The following RABL2B variants were observed in gnomAD, a reference collection of about 807,000 sequenced individuals.
The protein encoded by RABL2B is rab-like protein 2B.
RABL2B carries 17 observed loss-of-function variants against 26.7 expected under a neutral mutation model. The observed-to-expected ratio is 0.64, with a 90% CI of 0.44 to 0.95. The LOEUF is 0.95. Ranked by LOEUF, RABL2B falls within the 40% of genes least tolerant of loss-of-function variation. The probability of loss-of-function intolerance (pLI) is 0.00; values close to 1 mark genes in which losing one functional copy is unlikely to be tolerated. For missense variants in RABL2B, 170 were observed against 277.2 expected, an observed-to-expected ratio of 0.61 and a Z score of 2.75; for synonymous variants, 70 against 103.9, an observed-to-expected ratio of 0.67 and a Z score of 1.99.
In RABL2B at chr22:50,776,368, A is replaced by G. The variant is rs190639024; in HGVS notation, c.217+302T>C. ...AGCTAGGAAAACTACTGCCTCGTCG[A>G]AGGCCTCTTACGTTCTTCTTCCCTG... On this transcript the variant is annotated intron_variant, in intron 4 of 8. Transcript: ENST00000691320. Among the ~76,000 whole-genome samples, 106 of 152,326 alleles carry G rather than the reference A, an allele frequency of 7.0e-4. 1 individual carries two copies. In the East Asian group the frequency reaches 0.019, roughly 27 times the overall value.
chr22:50,773,281 GT>G (rs2084455985), intron 5 of RABL2B, among the ~76,000 whole-genome samples: 1 of 152,302 alleles, frequency 6.6e-6, no homozygotes, highest in East Asian at 1.9e-4. Context: ...AGTTATCAGA[GT>G]TAAAGCTTTT....
rs2083654416 is a variant in RABL2B at position 50,768,188 on chromosome 22, C to T, written c.*588G>A. 2 of 196,918 alleles carry T rather than the reference C, an allele frequency of 1.0e-5. No individual in the cohort carries two copies. Among genetic ancestry groups the T allele is most frequent in the Non-Finnish European group, 1.1e-5 (1 of 94,566 alleles). The allele number at this position is 196,918 out of a possible 1,614,324, so 12.2% of individuals were successfully genotyped here. A position where few individuals can be genotyped will look rare whatever the true frequency, so the allele number is the denominator to read the frequency against. ...CAGGGAGTCAGAGGTTGCAGCGAGCCGAGACTGCGCCACTGCACTCCAGCC... is the reference window on the plus strand; with the variant it reads ...CAGGGAGTCAGAGGTTGCAGCGAGCTGAGACTGCGCCACTGCACTCCAGCC... On this transcript the variant is annotated 3_prime_UTR_variant, in exon 9 of 9. Transcript: ENST00000691320.
Position 50,775,774 on chromosome 22 carries a change from T to C in RABL2B, c.295A>G (p.Met99Val), listed in dbSNP as rs1555923129. The C allele has an allele frequency of 6.2e-7, 1 of 1,614,092 alleles. No individual in the cohort carries two copies. The highest frequency in any genetic ancestry group is 8.5e-7 in the Non-Finnish European group (1 of 1,180,000). ...SYYHKAHACI[M>V]VFDVQRKVTY... ...TCCACCTCCCCACCGTCTCGTACCA[T>C]GATGCAGGCGTGGGCCTTGTGGTAG... is the stretch of plus-strand genomic sequence containing the variant. The change falls in exon 5 of 9, where the codon ATG becomes GTG. Residue 99 changes from methionine to valine, a missense_variant and splice_region_variant. By Grantham distance (21) the Met-to-Val change is conservative (BLOSUM62 1). This residue lies in a region of RABL2B where 165 missense variants were observed against 232.0 expected (regional missense o/e 0.71). Transcript: ENST00000691320.
chr22:50,774,049 C>T (rs2147116773), intron 5 of RABL2B, among the ~76,000 whole-genome samples: 2 of 152,278 alleles, frequency 1.3e-5, no homozygotes, highest in African/African-American at 4.8e-5. Flanking sequence ...CGCCCGCTAC[C>T]ACGCCCGGCT....
Position 50,775,787 on chromosome 22 carries a change from G to A in RABL2B, c.282C>T (p.Ala94=). ...QSMHASYYHK[A]HACIMVFDVQ... is the part of the protein sequence containing the mutation. ...CGTCTCGTACCATGATGCAGGCGTG[G>A]GCCTTGTGGTAGTAGGAGGCATGCA... is the stretch of plus-strand genomic sequence containing the variant. The change falls in exon 5 of 9, where the codon GCC becomes GCT. Residue 94 remains alanine (A), a synonymous_variant. Coordinates refer to ENST00000691320, the MANE Select transcript of RABL2B (RefSeq NM_001130919.3). The A allele has an allele frequency of 6.2e-6, 10 of 1,614,160 alleles. No homozygotes were observed. The highest frequency in any genetic ancestry group is 8.5e-6 in the Non-Finnish European group (10 of 1,180,028).
Position 50,768,742 on chromosome 22 carries a change from T to C in RABL2B, c.*34A>G. 6.2e-7 allele frequency: 1 copy of C among 1,608,938 alleles called. No homozygotes were observed. Among genetic ancestry groups the C allele is most frequent in the Non-Finnish European group, 8.5e-7 (1 of 1,178,354 alleles). The stretch of plus-strand genomic sequence containing the variant: ...AGAGTTGTTGAAGGGAAGGGTATTT[T>C]AAAAGGGCTCCACCCACCCCTAGCC... On this transcript the variant is annotated 3_prime_UTR_variant, in exon 9 of 9. Coordinates refer to ENST00000691320, the MANE Select transcript of RABL2B (RefSeq NM_001130919.3).
chr22:50,782,627 T>C, intron 1 of RABL2B: 1 of 372,718 alleles, frequency 2.7e-6, no homozygotes, highest in Non-Finnish European at 5.2e-6. Flanking sequence ...TGCAACATTA[T>C]GTCTAGCTCT....
Position 50,775,866 on chromosome 22 carries a change from C to A in RABL2B, c.218-15G>T, listed in dbSNP as rs1555923457. 24 of 1,614,198 alleles carry A rather than the reference C, an allele frequency of 1.5e-5. No homozygotes were observed. Among genetic ancestry groups the A allele is most frequent in the Non-Finnish European group, 2.0e-5 (24 of 1,180,028 alleles). ...GTCCCAAAAGTCTGCAATGTGAACA[C>A]AGACAGACCTACATGCCTGGTGCAC... On this transcript the variant is annotated splice_polypyrimidine_tract_variant and intron_variant, in intron 4 of 8. Coordinates refer to ENST00000691320, the MANE Select transcript of RABL2B (RefSeq NM_001130919.3).
At chr22:50,780,344 A>C (rs2085619859) in intron 2 of RABL2B, among the ~76,000 whole-genome samples, 2 of 152,090 alleles carry the variant, frequency 1.3e-5, no homozygotes, top group Admixed American at 1.3e-4. Flanking sequence ...GCTCTCTAGA[A>C]ATGAGGCCGT....
chr22:50,773,182 C>T (rs1368091372), intron 5 of RABL2B: 1 of 1,247,598 alleles, frequency 8.0e-7, no homozygotes, highest in Non-Finnish European at 1.0e-6. Context: ...CTGGCTAGGA[C>T]CAAGCTCCTC....
At chr22:50,775,274 G>C (rs1315898731) in intron 5 of RABL2B, among the ~76,000 whole-genome samples, 1 of 152,038 alleles carries the variant, frequency 6.6e-6, no homozygotes, top group Non-Finnish European at 1.5e-5. Flanking sequence ...CACCACACCC[G>C]GGTCACCAGG....
intron 2 of RABL2B, among the ~76,000 whole-genome samples, chr22:50,779,800 A>G (rs1252556405): frequency 1.3e-5 from 2 of 152,104 alleles, no homozygotes; most frequent in African/African-American, 4.8e-5. Flanking sequence ...CCTGGCCAAC[A>G]TGGCAAAACC....
At chr22:50,781,660 G>A (rs566371895) in intron 2 of RABL2B, among the ~76,000 whole-genome samples, 281 of 152,280 alleles carry the variant, frequency 1.8e-3, no homozygotes, top group Non-Finnish European at 3.2e-3. Context: ...GAACTAGGAC[G>A]TCTCATGGAG....
intron 1 of RABL2B, chr22:50,783,049 T>C (rs1263720150): frequency 6.6e-6 from 1 of 151,348 alleles, no homozygotes; most frequent in African/African-American, 2.5e-5. Context: ...CTGTACCCTG[T>C]AGAGAGAGCG....
rs376471130 is a variant in RABL2B at position 50,779,742 on chromosome 22, G to A, written c.108-1761C>T. 2.7e-4 allele frequency among the ~76,000 whole-genome samples: 41 copies of A among 152,286 alleles called. No individual in the cohort carries two copies. In the East Asian group the frequency reaches 5.0e-3, roughly 19 times the overall value. On this transcript the variant is annotated intron_variant, in intron 2 of 8. Transcript: ENST00000691320. ...CTCACACCTGTAATCCCAGCACTTT[G>A]GGAGGCCAAGGCAGACAGATCACTT...
chr22:50,774,245 C>A (rs1160124286), intron 5 of RABL2B, among the ~76,000 whole-genome samples: 1 of 152,030 alleles, frequency 6.6e-6, no homozygotes, highest in Admixed American at 6.5e-5. Context: ...CCTGTCCATC[C>A]CATGTGTTCT....
chr22:50,775,440 G>C (rs1569170154), intron 5 of RABL2B, among the ~76,000 whole-genome samples: 1 of 152,188 alleles, frequency 6.6e-6, no homozygotes, highest in Non-Finnish European at 1.5e-5. Flanking sequence ...GTGGAGGGAG[G>C]CCTTGGGAGC....
At chr22:50,779,838 A>T (rs1343911664) in intron 2 of RABL2B, among the ~76,000 whole-genome samples, 1 of 152,038 alleles carries the variant, frequency 6.6e-6, no homozygotes, top group East Asian at 1.9e-4. Context: ...AAAATTAGCT[A>T]GGCATGGTGG....
chr22:50,770,056 A>C, intron 5 of RABL2B, 40 bp from the exon 6 acceptor site: 1 of 1,613,058 alleles, frequency 6.2e-7, no homozygotes, highest in African/African-American at 1.3e-5. Context: ...CAGGTATGTC[A>C]ATGTTTCTGC....
Sources: allele counts gnomAD v4.1 joint callset (sites outside exome capture counted in the v4.1 genomes callset), GRCh38; gene constraint gnomAD v4.1.1; regional missense constraint gnomAD v4.1.1; transcripts MANE v1.5; gene names NCBI Gene and HGNC (gene_info 2026-07-23, HGNC 2026-07-21).